The following KDM7A variants were observed in gnomAD, a reference collection of about 807,000 sequenced individuals.
The protein encoded by KDM7A is lysine demethylase 7A, also known as lysine-specific demethylase 7A.
KDM7A carries 28 observed loss-of-function variants against 114.8 expected under a neutral mutation model. The ratio of observed to expected loss-of-function variants is 0.24; its 90% CI spans 0.18 to 0.33. The LOEUF is 0.33. KDM7A is among the 10% of genes least tolerant of loss of function. The pLI, the probability that KDM7A is intolerant of heterozygous loss-of-function variation, is 1.00. For synonymous variants in KDM7A, 423 were observed against 397.8 expected, an observed-to-expected ratio of 1.06 and a Z score of -0.75; for missense variants, 942 against 1,142.5, an observed-to-expected ratio of 0.82 and a Z score of 2.53.
rs1230594927 is a variant in KDM7A, at chr7:140,088,591, A to G, written c.*2503T>C. 3 of 397,864 alleles carry G rather than the reference A, an allele frequency of 7.5e-6. No individual in the cohort carries two copies. The highest frequency in any genetic ancestry group is 6.2e-5 in the African/African-American group (3 of 48,606). The allele number at this position is 397,864 out of a possible 1,614,324, so 24.6% of individuals were successfully genotyped here. On this transcript the variant is annotated 3_prime_UTR_variant, in exon 20 of 20. Coordinates refer to ENST00000397560, the MANE Select transcript of KDM7A (RefSeq NM_030647.2). The stretch of plus-strand genomic sequence containing the variant: ...GATAAAGGGATGCATTATGGCCAGT[A>G]ATGTTATAAGACGTTTGACCAGGAG...
chr7:140,108,704 G>A (rs1818384263), intron 11 of KDM7A, among the ~76,000 whole-genome samples: 1 of 152,208 alleles, frequency 6.6e-6, no homozygotes, highest in African/African-American at 2.4e-5. Flanking sequence ...TCCCATTTAG[G>A]CTACCCAGGG....
chr7:140,171,505 TTA>T (rs1196700172), intron 1 of KDM7A, among the ~76,000 whole-genome samples: 5 of 130,824 alleles, frequency 3.8e-5, no homozygotes, highest in Non-Finnish European at 6.4e-5. Flanking sequence ...TATACATATT[TTA>T]TATATATTTA....
Position 140,129,522 on chromosome 7 carries a change from A to T in KDM7A, c.530T>A (p.Phe177Tyr). 4.3e-6 allele frequency: 7 copies of T among 1,613,682 alleles called. No homozygotes were observed. Among genetic ancestry groups the T allele is most frequent in the Non-Finnish European group, 4.2e-6 (5 of 1,179,690 alleles). ...DLGLRLPSPT[F>Y]SVMDVERYVG... is the part of the protein sequence containing the mutation. Reference sequence around the variant, plus strand: ...ATAACGTTCCACATCCATCACAGAAAATGTAGGTGAAGGGAGCCTGAGTCC... The same window carrying T: ...ATAACGTTCCACATCCATCACAGAATATGTAGGTGAAGGGAGCCTGAGTCC... Residue 177 changes from phenylalanine (F) to tyrosine (Y), a missense_variant, in exon 4 of 20, where the codon TTT becomes TAT. Phe to Tyr is a conservative substitution (Grantham distance 22). This residue lies in a region of KDM7A where 318 missense variants were observed against 453.1 expected (regional missense o/e 0.70). Coordinates refer to ENST00000397560, the MANE Select transcript of KDM7A (RefSeq NM_030647.2).
At chr7:140,164,466 A>G (rs1049828918) in intron 1 of KDM7A, among the ~76,000 whole-genome samples, 1 of 152,174 alleles carries the variant, frequency 6.6e-6, no homozygotes, top group African/African-American at 2.4e-5. Context: ...GTCTCTAGAC[A>G]TTGACTGGTG....
rs759267068 is a variant in KDM7A, at chr7:140,129,542, G to A, written c.510C>T (p.Leu170=). The A allele has an allele frequency of 5.6e-6, 9 of 1,613,350 alleles. No homozygotes were observed. The highest frequency in any genetic ancestry group is 7.6e-6 in the Non-Finnish European group (9 of 1,179,518). ...CAGAAAATGTAGGTGAAGGGAGCCT[G>A]AGTCCTAGATCATCTAATTTTGGGA... is the stretch of plus-strand genomic sequence containing the variant. ...IMVPKLDDLG[L]RLPSPTFSVM... The change falls in exon 4 of 20, where the codon CTC becomes CTT. Residue 170 remains leucine (L), a synonymous_variant. Transcript: ENST00000397560.
intron 11 of KDM7A, among the ~76,000 whole-genome samples, chr7:140,102,567 T>A (rs1818249842): frequency 6.6e-6 from 1 of 152,068 alleles, no homozygotes; most frequent in African/African-American, 2.4e-5. Flanking sequence ...GAGACAAGTA[T>A]TTGCCATGTT....
chr7:140,101,921 CT>C (rs1328655403), intron 12 of KDM7A, 29 bp downstream of exon 12: 3 of 1,479,914 alleles, frequency 2.0e-6, no homozygotes. Context: ...AGCCAAGTTT[CT>C]TTTTGTTGTC....
intron 12 of KDM7A, among the ~76,000 whole-genome samples, chr7:140,100,719 T>TATATATATATATATATATACAC (rs1562946087): frequency 7.4e-4 from 44 of 59,676 alleles, no homozygotes; most frequent in Non-Finnish European, 1.3e-3. Flanking sequence ...CACATATATA[T>TATATATATATATATATATACAC]ATATATATAT....
At position 140,176,912 on chromosome 7, in the gene KDM7A, G is replaced by GCCA. The variant is rs1427089261; in HGVS notation, c.23_25dup (p.Val8dup). 2.6e-6 allele frequency: 3 copies of GCCA among 1,168,454 alleles called. No individual in the cohort carries two copies. The highest frequency in any genetic ancestry group is 3.2e-6 in the Non-Finnish European group (3 of 941,170). The allele number at this position is 1,168,454 out of a possible 1,614,324, so 72.4% of individuals were successfully genotyped here. On this transcript the variant is annotated inframe_insertion, in exon 1 of 20. Transcript: ENST00000397560. This position sits in a 1 kb window ranked among gnomAD's most constrained non-coding sequence, Gnocchi z 4.4. ...GGCGGCTCCAGCTGCTGCTCCCGCGGCCACCGCCGCCGCCGCTCCGGCCAT... is the reference window on the plus strand; with the variant it reads ...GGCGGCTCCAGCTGCTGCTCCCGCGGCCACCACCGCCGCCGCCGCTCCGGCCAT...
chr7:140,114,864 C>T (rs547474774), intron 9 of KDM7A, among the ~76,000 whole-genome samples: 12 of 111,814 alleles, frequency 1.1e-4, no homozygotes, highest in African/African-American at 3.8e-4. Flanking sequence ...GCAGCCGCCC[C>T]GTCTGAGAAG....
intron 1 of KDM7A, among the ~76,000 whole-genome samples, chr7:140,140,819 C>T (rs1268922257): frequency 6.6e-6 from 1 of 150,866 alleles, no homozygotes; most frequent in Non-Finnish European, 1.5e-5. Flanking sequence ...GAACACTGTG[C>T]TGGAGGATCG....
intron 1 of KDM7A, among the ~76,000 whole-genome samples, chr7:140,156,172 C>T (rs776313150): frequency 2.0e-5 from 3 of 152,144 alleles, no homozygotes; most frequent in African/African-American, 7.2e-5. Context: ...CACAAATAAC[C>T]TTCAAGGCAG....
intron 9 of KDM7A, among the ~76,000 whole-genome samples, chr7:140,114,113 C>T (rs1011144498): frequency 4.6e-5 from 7 of 151,508 alleles, no homozygotes; most frequent in Admixed American, 1.3e-4. Flanking sequence ...ACCAGAAAGA[C>T]GTATGTAACC....
At chr7:140,162,537 T>G (rs992403808) in intron 1 of KDM7A, among the ~76,000 whole-genome samples, 1 of 152,180 alleles carries the variant, frequency 6.6e-6, no homozygotes, top group Non-Finnish European at 1.5e-5. Context: ...TTCTCTGACA[T>G]TGATTTTTGT....
intron 1 of KDM7A, among the ~76,000 whole-genome samples, chr7:140,167,352 A>C: frequency 6.6e-6 from 1 of 152,198 alleles, no homozygotes; most frequent in East Asian, 1.9e-4. Context: ...CTTACACCAT[A>C]CTACAAAAGC....
chr7:140,144,669 A>G (rs1028737144), intron 1 of KDM7A, among the ~76,000 whole-genome samples: 6 of 151,976 alleles, frequency 3.9e-5, no homozygotes, highest in Non-Finnish European at 7.4e-5. Flanking sequence ...TAGTGTTCAG[A>G]GTCCAAATCC....
At chr7:140,144,626 C>T (rs578252748) in intron 1 of KDM7A, among the ~76,000 whole-genome samples, 4 of 151,770 alleles carry the variant, frequency 2.6e-5, no homozygotes, top group East Asian at 3.9e-4. Flanking sequence ...ATCTGTAGAA[C>T]GAAAGACTAA....
chr7:140,099,082 C>G (rs1818160414), intron 13 of KDM7A, 49 bp from the exon 14 acceptor site: 3 of 1,393,382 alleles, frequency 2.2e-6, no homozygotes, highest in African/African-American at 2.9e-5. Flanking sequence ...GACTCTGTAG[C>G]CAAACAGTAT....
In KDM7A at chr7:140,176,008, A is replaced by G. The variant is rs911036115; in HGVS notation, c.194+736T>C. Among the ~76,000 whole-genome samples the G allele has an allele frequency of 1.3e-5, 2 of 151,912 alleles. No individual in the cohort carries two copies. The highest frequency in any genetic ancestry group is 2.4e-5 in the African/African-American group (1 of 41,400). ...GCGACCCGGGTGTGTGCGGGGGCCC[A>G]GGACCGCGACCCGGGTCAACCTGCC... is the stretch of plus-strand genomic sequence containing the variant. On this transcript the variant is annotated intron_variant, in intron 1 of 19. Transcript: ENST00000397560. This position sits in a 1 kb window ranked among gnomAD's most constrained non-coding sequence, Gnocchi z 4.4.
Sources: allele counts gnomAD v4.1 joint callset (sites outside exome capture counted in the v4.1 genomes callset), GRCh38; gene constraint gnomAD v4.1.1; regional missense constraint gnomAD v4.1.1; non-coding constraint Gnocchi (gnomAD v3.1); transcripts MANE v1.5; gene names NCBI Gene and HGNC (gene_info 2026-07-23, HGNC 2026-07-21).